Variants in DNMT3B observed in about 807,000 individuals in gnomAD.
The protein encoded by DNMT3B is DNA (cytosine-5)-methyltransferase 3B.
Under a neutral mutation model 120.2 loss-of-function variants are expected in DNMT3B, and 37 were observed. That is an observed-to-expected ratio of 0.31 (90% CI 0.24 to 0.40). DNMT3B has a LOEUF of 0.40. DNMT3B is among the 10% of genes least tolerant of loss of function. The pLI, the probability that DNMT3B is intolerant of heterozygous loss-of-function variation, is 1.00. For missense variants in DNMT3B, 878 were observed against 1,137.3 expected (o/e 0.77, Z 3.28); for synonymous variants, 412 against 442.8 (o/e 0.93, Z 0.87).
At position 32,787,234 on chromosome 20, in the gene DNMT3B, T is replaced by A; in HGVS notation, c.437T>A (p.Leu146Gln). Residue 146 changes from leucine (L) to glutamine (Q), a missense_variant, in exon 6 of 23, where the codon CTG becomes CAG. Around this residue, in one of 4 missense-constraint regions of DNMT3B, gnomAD observed 287 missense variants for 306.2 expected, o/e 0.94. Transcript: ENST00000328111. ...TATGTGTCCTTCTGTCCACAGTCCC[T>A]GAGACGGCGGGCAACAGCATCGGCA... Reference protein sequence around the residue: ...SPVEFPATRSLRRRATASAGT... With the variant: ...SPVEFPATRSQRRRATASAGT... The A allele has an allele frequency of 6.2e-7, 1 of 1,614,248 alleles. No homozygotes were observed. Among genetic ancestry groups the A allele is most frequent in the Non-Finnish European group, 8.5e-7 (1 of 1,180,044 alleles).
In DNMT3B at chr20:32,781,425, T is replaced by C; in HGVS notation, c.204+11T>C. 6.2e-7 allele frequency: 1 copy of C among 1,614,120 alleles called. No homozygotes were observed. Among genetic ancestry groups the C allele is most frequent in the Non-Finnish European group, 8.5e-7 (1 of 1,179,932 alleles). On this transcript the variant is annotated intron_variant, in intron 3 of 22. Coordinates refer to ENST00000328111, the MANE Select transcript of DNMT3B (RefSeq NM_006892.4). ...CTAAGCTACACACAGGTATGGTCTC[T>C]GCTCTCCCTTTTTCAGGGCTCAGGG...
Position 32,787,275 on chromosome 20 carries a change from T to C in DNMT3B, c.478T>C (p.Ser160Pro), listed in dbSNP as rs1178689157. ...ATASAGTPWP[S>P]PPSSYLTIDL... ...AGCATCGGCAGGAACGCCATGGCCG[T>C]CCCCTCCCAGCTCTTACCTTACCAT... Residue 160 changes from serine to proline, a missense_variant, in exon 6 of 23, where the codon TCC becomes CCC. Around this residue, in one of 4 missense-constraint regions of DNMT3B, gnomAD observed 287 missense variants for 306.2 expected, o/e 0.94. Coordinates refer to ENST00000328111, the MANE Select transcript of DNMT3B (RefSeq NM_006892.4). 1.2e-5 allele frequency: 19 copies of C among 1,614,050 alleles called. No individual in the cohort carries two copies. Among genetic ancestry groups the C allele is most frequent in the Non-Finnish European group, 1.6e-5 (19 of 1,180,038 alleles).
intron 1 of DNMT3B, among the ~76,000 whole-genome samples, chr20:32,771,135 T>C (rs772062317): frequency 2.0e-5 from 3 of 152,240 alleles, no homozygotes; most frequent in Non-Finnish European, 2.9e-5. Context: ...GGACATATTT[T>C]CTGGTTACGA....
chr20:32,784,687 C>A lies in DNMT3B; in HGVS notation c.205-71C>A, dbSNP rs542519848. On this transcript the variant is annotated intron_variant, in intron 3 of 22. Transcript: ENST00000328111. ...CACAGGCGATCAGTCTTTCATATTG[C>A]AGGTGCCTTGTTTCTTTGACTTGCT... The A allele has an allele frequency of 2.2e-5, 33 of 1,527,492 alleles. No individual in the cohort carries two copies. The South Asian group carries it at 3.8e-4, about 17-fold the overall frequency. 94.6% of individuals were successfully genotyped at this position (1,527,492 alleles called of 1,614,324 possible). A position where few individuals can be genotyped will look rare whatever the true frequency, so the allele number is the denominator to read the frequency against.
intron 1 of DNMT3B, among the ~76,000 whole-genome samples, chr20:32,772,873 C>CG (rs1568822680): frequency 0.025 from 2,397 of 97,580 alleles, 84 homozygotes; most frequent in African/African-American, 0.11. Context: ...TGTTTGGACA[C>CG]ATTTTTTTTT....
rs535043057 is a variant in DNMT3B at position 32,801,148 on chromosome 20, T to G, written c.1997-130T>G. On this transcript the variant is annotated intron_variant, in intron 18 of 22. Transcript: ENST00000328111. ...GCCTGTGTCCCTGCTGTCATTCAGG[T>G]GGACATAGACTGGTAGGCATCACCC... 33 of 1,378,900 alleles carry G rather than the reference T, an allele frequency of 2.4e-5. No homozygotes were observed. The South Asian group carries it at 4.0e-4, about 17-fold the overall frequency. 85.4% of individuals were successfully genotyped at this position (1,378,900 alleles called of 1,614,324 possible). A position where few individuals can be genotyped will look rare whatever the true frequency, so the allele number is the denominator to read the frequency against.
At chr20:32,763,290 G>A (rs1418394108) in intron 1 of DNMT3B, among the ~76,000 whole-genome samples, 1 of 152,186 alleles carries the variant, frequency 6.6e-6, no homozygotes, top group East Asian at 1.9e-4. Flanking sequence ...AGACTCGCGC[G>A]GGCTGGGGTG....
At chr20:32,794,744 G>A (rs1160953768) in intron 10 of DNMT3B, among the ~76,000 whole-genome samples, 1 of 152,118 alleles carries the variant, frequency 6.6e-6, no homozygotes, top group African/African-American at 2.4e-5. Context: ...TAAAAACTGA[G>A]ATAGTCTACA....
At chr20:32,785,403 T>C (rs1979151606) in intron 4 of DNMT3B, among the ~76,000 whole-genome samples, 1 of 152,128 alleles carries the variant, frequency 6.6e-6, no homozygotes, top group Non-Finnish European at 1.5e-5. Context: ...GTAACACTCT[T>C]GGAGGTGCCT....
chr20:32,804,728 G>A (rs1981773531), intron 20 of DNMT3B, among the ~76,000 whole-genome samples: 1 of 129,522 alleles, frequency 7.7e-6, no homozygotes, highest in Non-Finnish European at 1.6e-5. Flanking sequence ...GACAGGGTCT[G>A]TCTCCCAGGC....
At chr20:32,771,689 C>G (rs1354184576) in intron 1 of DNMT3B, among the ~76,000 whole-genome samples, 1 of 148,864 alleles carries the variant, frequency 6.7e-6, no homozygotes, top group Admixed American at 6.7e-5. Flanking sequence ...CAAAAGTGAG[C>G]CTCAAAACAT....
chr20:32,762,615 T>G lies in DNMT3B; in HGVS notation c.-91T>G, dbSNP rs1279173682. ...CCGGAGATTCGCGAGCCCAGCGCCC[T>G]GCACGGCCGCCAGCCGGCCTCCCGC... On this transcript the variant is annotated 5_prime_UTR_variant, in exon 1 of 23. Transcript: ENST00000328111. 1 of 293,580 alleles carries G rather than the reference T, an allele frequency of 3.4e-6. No homozygotes were observed. The highest frequency in any genetic ancestry group is 2.3e-5 in the African/African-American group (1 of 44,196). 18.2% of individuals were successfully genotyped at this position (293,580 alleles called of 1,614,324 possible).
intron 5 of DNMT3B, 101 bp downstream of exon 5, chr20:32,786,728 CT>C: frequency 6.4e-7 from 1 of 1,573,040 alleles, no homozygotes; most frequent in Non-Finnish European, 8.7e-7. Flanking sequence ...AATCTGTGTC[CT>C]TTTTTCACAC....
chr20:32,792,519 G>A (rs1980093966), intron 8 of DNMT3B, 107 bp from the exon 9 acceptor site: 3 of 1,586,248 alleles, frequency 1.9e-6, no homozygotes, highest in Non-Finnish European at 2.6e-6. Context: ...CTATGAAAGG[G>A]CCCAGTGTGA....
intron 17 of DNMT3B, 71 bp downstream of exon 17, chr20:32,800,369 C>T: frequency 1.2e-6 from 2 of 1,603,372 alleles, no homozygotes; most frequent in Middle Eastern, 2.0e-4. Flanking sequence ...CACCCTGAAA[C>T]CCACATGTAG....
At chr20:32,764,063 C>T (rs1258089736) in intron 1 of DNMT3B, among the ~76,000 whole-genome samples, 1 of 152,098 alleles carries the variant, frequency 6.6e-6, no homozygotes, top group Non-Finnish European at 1.5e-5. Flanking sequence ...GGTTGGTATA[C>T]AGTAAGCACT....
intron 1 of DNMT3B, among the ~76,000 whole-genome samples, chr20:32,777,002 G>A (rs956118380): frequency 1.3e-5 from 2 of 152,160 alleles, no homozygotes; most frequent in South Asian, 2.1e-4. Context: ...GTTGGTGTGC[G>A]CTGTCTACAC....
intron 9 of DNMT3B, 27 bp from the exon 10 acceptor site, chr20:32,793,509 T>C (rs774827088): frequency 6.2e-7 from 1 of 1,610,940 alleles, no homozygotes; most frequent in South Asian, 1.1e-5. Flanking sequence ...ATGTTTTTTC[T>C]GTTTTGTTTT....
intron 1 of DNMT3B, among the ~76,000 whole-genome samples, chr20:32,779,403 C>T (rs971470496): frequency 6.6e-6 from 1 of 152,164 alleles, no homozygotes; most frequent in African/African-American, 2.4e-5. Context: ...GGTGAGCTCC[C>T]CAGTCTCCCT....
Sources: allele counts gnomAD v4.1 joint callset (sites outside exome capture counted in the v4.1 genomes callset), GRCh38; gene constraint gnomAD v4.1.1; regional missense constraint gnomAD v4.1.1; transcripts MANE v1.5; gene names NCBI Gene and HGNC (gene_info 2026-07-23, HGNC 2026-07-21).